Variants in ATXN1 observed in about 807,000 individuals in gnomAD.
The protein encoded by ATXN1 is ataxin 1.
In ATXN1, 8 loss-of-function variants were observed where a neutral mutation model predicts 56.4. That is an observed-to-expected ratio of 0.14 (90% CI 0.08 to 0.26). The LOEUF (loss-of-function observed/expected upper bound fraction) is 0.26. Ranked by LOEUF, ATXN1 falls within the 10% of genes least tolerant of loss-of-function variation. ATXN1 has a pLI of 1.00. For missense variants in ATXN1, 987 were observed against 1,106.5 expected, an observed-to-expected ratio of 0.89 and a Z score of 1.53; for synonymous variants, 514 against 494.6, an observed-to-expected ratio of 1.04 and a Z score of -0.52.
At position 16,328,173 on chromosome 6, in the gene ATXN1, G is replaced by A. The variant is rs1190179489; in HGVS notation, c.138C>T (p.Leu46=). The A allele has an allele frequency of 1.3e-6, 2 of 1,595,362 alleles. No individual in the cohort carries two copies. Among genetic ancestry groups the A allele is most frequent in the South Asian group, 1.1e-5 (1 of 88,928 alleles). The change falls in exon 7 of 8, where the codon CTC becomes CTT. Residue 46 remains leucine (L), a synonymous_variant. Coordinates refer to ENST00000436367, the MANE Select transcript of ATXN1 (RefSeq NM_001128164.2). The surrounding 1 kb of genome is among the most constrained non-coding windows in gnomAD (Gnocchi z 6.2). ...GGCCCCGGCCACCAGGGTTGCCCGG[G>A]AGCCATGCTGTGCCCTCCACCCGGT... is the stretch of plus-strand genomic sequence containing the variant. The part of the protein sequence containing the change: ...DNHRVEGTAW[L]PGNPGGRGHG...
intron 3 of ATXN1, among the ~76,000 whole-genome samples, chr6:16,618,716 C>T (rs1008735828): frequency 8.4e-5 from 11 of 130,458 alleles, no homozygotes; most frequent in African/African-American, 1.5e-4. Context: ...AGCGAGACTC[C>T]GTCTCAAAAA....
At chr6:16,373,033 T>C (rs1386035935) in intron 6 of ATXN1, among the ~76,000 whole-genome samples, 1 of 152,172 alleles carries the variant, frequency 6.6e-6, no homozygotes. Context: ...GAAGGGGACA[T>C]GTGATACGAG....
In ATXN1 at chr6:16,752,032, TG is replaced by T. The variant is rs565520717; in HGVS notation, c.-615+1200del. ...GGCAGCTCCAGATCTTAAGTCCAGA[TG>T]GGTTGATTACGGAGCTCCATGCTCT... On this transcript the variant is annotated intron_variant, in intron 2 of 7. Coordinates refer to ENST00000436367, the MANE Select transcript of ATXN1 (RefSeq NM_001128164.2). 1.8e-3 allele frequency among the ~76,000 whole-genome samples: 269 copies of T among 152,276 alleles called. 1 individual carries two copies. The highest frequency in any genetic ancestry group is 6.0e-3 in the African/African-American group (249 of 41,570).
In ATXN1 at chr6:16,741,574, C is replaced by T. The variant is rs367942284; in HGVS notation, c.-615+11659G>A. On this transcript the variant is annotated intron_variant, in intron 2 of 7. Transcript: ENST00000436367. ...CAGAAACTTTGCGATTTCAGGTCAC[C>T]GAATGTTCTCTGTACAGCAGGACAG... is the stretch of plus-strand genomic sequence containing the variant. Among the ~76,000 whole-genome samples the T allele has an allele frequency of 5.5e-4, 84 of 152,228 alleles. 4 individuals carry two copies. The South Asian group carries it at 0.017, about 30-fold the overall frequency.
At chr6:16,757,813 A>T (rs1481204180) in intron 1 of ATXN1, among the ~76,000 whole-genome samples, 1 of 123,890 alleles carries the variant, frequency 8.1e-6, no homozygotes, top group Non-Finnish European at 1.5e-5. Context: ...ACAGAGCTTC[A>T]GCAACTAAAG....
intron 6 of ATXN1, among the ~76,000 whole-genome samples, chr6:16,333,580 G>A (rs542123047): frequency 2.6e-5 from 4 of 152,316 alleles, no homozygotes; most frequent in Non-Finnish European, 5.9e-5. Flanking sequence ...CCAATCCTGT[G>A]CTTCTCAGTT....
intron 5 of ATXN1, among the ~76,000 whole-genome samples, chr6:16,514,920 T>C (rs1761150392): frequency 6.6e-6 from 1 of 151,534 alleles, no homozygotes; most frequent in East Asian, 1.9e-4. Context: ...GAGGCAGAGG[T>C]TGCAGTGAGC....
chr6:16,680,353 G>A (rs1243253977), intron 2 of ATXN1, among the ~76,000 whole-genome samples: 2 of 152,116 alleles, frequency 1.3e-5, no homozygotes, highest in African/African-American at 4.8e-5. Context: ...ATGTCCTTCT[G>A]TTCCTTCCTT....
chr6:16,443,965 G>A (rs1438972949), intron 6 of ATXN1, among the ~76,000 whole-genome samples: 1 of 151,938 alleles, frequency 6.6e-6, no homozygotes, highest in Non-Finnish European at 1.5e-5. Context: ...AAACAGAAAA[G>A]ATTAGCCAGG....
intron 5 of ATXN1, among the ~76,000 whole-genome samples, chr6:16,503,809 A>G (rs1760929742): frequency 6.6e-6 from 1 of 152,168 alleles, no homozygotes; most frequent in Non-Finnish European, 1.5e-5. Context: ...TATATTACAT[A>G]TATACTTCTA....
At chr6:16,651,114 T>A (rs1763884448) in intron 3 of ATXN1, among the ~76,000 whole-genome samples, 1 of 152,072 alleles carries the variant, frequency 6.6e-6, no homozygotes, top group African/African-American at 2.4e-5. Context: ...GTAGAATAAA[T>A]GGAACACAGA....
intron 6 of ATXN1, among the ~76,000 whole-genome samples, chr6:16,446,268 T>C (rs1247460601): frequency 2.0e-5 from 3 of 152,202 alleles, no homozygotes; most frequent in Non-Finnish European, 4.4e-5. Context: ...ATTTCTCTGA[T>C]GGCCAGTGAT....
chr6:16,389,838 C>T (rs187310265), intron 6 of ATXN1, among the ~76,000 whole-genome samples: 6 of 152,318 alleles, frequency 3.9e-5, no homozygotes, highest in Non-Finnish European at 7.3e-5. Flanking sequence ...AATGCTTAAC[C>T]TGTTCCTTCC....
intron 6 of ATXN1, among the ~76,000 whole-genome samples, chr6:16,375,265 C>G: frequency 6.6e-6 from 1 of 152,248 alleles, no homozygotes; most frequent in East Asian, 1.9e-4. Context: ...CCAAGCTTAA[C>G]TTCACTGATT....
At chr6:16,377,895 T>A (rs942839831) in intron 6 of ATXN1, among the ~76,000 whole-genome samples, 4 of 152,232 alleles carry the variant, frequency 2.6e-5, no homozygotes, top group African/African-American at 9.6e-5. Flanking sequence ...CACCAGGTCT[T>A]TCAGGGTTAG....
At chr6:16,365,054 T>TCA (rs1463853170) in intron 6 of ATXN1, among the ~76,000 whole-genome samples, 6 of 80,560 alleles carry the variant, frequency 7.4e-5, no homozygotes, top group Non-Finnish European at 1.6e-4. Flanking sequence ...TTTTCTTTTT[T>TCA]CATATATATA....
rs1267866720 is a variant in ATXN1, at chr6:16,752,526, T to C, written c.-615+707A>G. On this transcript the variant is annotated intron_variant, in intron 2 of 7. Transcript: ENST00000436367. ...GGTCCATTTCCAAGGCAAATAGAAA[T>C]TGATCCCCTATTTTCTATTTCACAA... 3.3e-5 allele frequency among the ~76,000 whole-genome samples: 5 copies of C among 152,282 alleles called. No individual in the cohort carries two copies. In the Middle Eastern group the frequency reaches 0.01, roughly 311 times the overall value.
At chr6:16,586,063 ACAC>A (rs1762618580) in intron 3 of ATXN1, among the ~76,000 whole-genome samples, 156 bp from the exon 4 acceptor site, 1 of 152,062 alleles carries the variant, frequency 6.6e-6, no homozygotes, top group Non-Finnish European at 1.5e-5. Flanking sequence ...ACACACACAC[ACAC>A]AAGGTTTTTA....
intron 4 of ATXN1, among the ~76,000 whole-genome samples, chr6:16,581,151 C>G (rs947759248): frequency 6.6e-6 from 1 of 151,312 alleles, no homozygotes; most frequent in African/African-American, 2.4e-5. Context: ...GGGTGGGTTA[C>G]ATACGGTGCC....
Sources: allele counts gnomAD v4.1 joint callset (sites outside exome capture counted in the v4.1 genomes callset), GRCh38; gene constraint gnomAD v4.1.1; non-coding constraint Gnocchi (gnomAD v3.1); transcripts MANE v1.5; gene names NCBI Gene and HGNC (gene_info 2026-07-23, HGNC 2026-07-21).